BCR: variants seen among roughly 807,000 people sequenced by gnomAD.
BCR encodes BCR activator of RhoGEF and GTPase.
BCR carries 58 observed loss-of-function variants against 138.6 expected under a neutral mutation model. The ratio of observed to expected loss-of-function variants is 0.42; its 90% CI spans 0.34 to 0.52. The LOEUF (loss-of-function observed/expected upper bound fraction) is 0.52. Ranked by LOEUF, BCR falls within the 20% of genes least tolerant of loss-of-function variation. The pLI is 0.06. For missense variants in BCR, 1,599 were observed against 1,727.2 expected, an observed-to-expected ratio of 0.93 and a Z score of 1.32; for synonymous variants, 786 against 730.1, an observed-to-expected ratio of 1.08 and a Z score of -1.23.
At chr22:23,217,879 G>A (rs774634529) in intron 1 of BCR, among the ~76,000 whole-genome samples, 2 of 152,188 alleles carry the variant, frequency 1.3e-5, no homozygotes, top group Non-Finnish European at 2.9e-5. Flanking sequence ...AGCTGTGGCC[G>A]CCTGCTCGGA....
chr22:23,273,854 G>A, intron 8 of BCR, 80 bp downstream of exon 8: 1 of 1,579,440 alleles, frequency 6.3e-7, no homozygotes, highest in Non-Finnish European at 8.7e-7. Context: ...CTGAGGTCTG[G>A]AGCCCTTCCT....
chr22:23,230,844 C>G (rs1005840571), intron 1 of BCR, among the ~76,000 whole-genome samples: 1 of 152,192 alleles, frequency 6.6e-6, no homozygotes, highest in African/African-American at 2.4e-5. Context: ...AGCCGCACAT[C>G]CAGCTGTCAT....
At chr22:23,311,540 G>A (rs1355349105) in intron 18 of BCR, among the ~76,000 whole-genome samples, 157 bp from the exon 19 acceptor site, 3 of 152,156 alleles carry the variant, frequency 2.0e-5, no homozygotes, top group Admixed American at 6.5e-5. Context: ...TGCAGAGGGA[G>A]GACAGGCATG....
chr22:23,208,713 G>C (rs941193551), intron 1 of BCR, among the ~76,000 whole-genome samples: 3 of 152,158 alleles, frequency 2.0e-5, no homozygotes, highest in Non-Finnish European at 4.4e-5. Context: ...TAATTAGCCA[G>C]GCATGGTAGC....
At chr22:23,278,272 G>A (rs545242938) in intron 8 of BCR, among the ~76,000 whole-genome samples, 20 of 152,312 alleles carry the variant, frequency 1.3e-4, no homozygotes, top group African/African-American at 4.6e-4. Context: ...CTCTGCCTGG[G>A]ATTGCAGAGG....
chr22:23,217,418 T>C (rs1478795077), intron 1 of BCR, among the ~76,000 whole-genome samples: 1 of 152,212 alleles, frequency 6.6e-6, no homozygotes, highest in Non-Finnish European at 1.5e-5. Flanking sequence ...GCTCTGGTGC[T>C]CTCTCTTCGC....
chr22:23,296,324 A>G (rs1377974024), intron 16 of BCR, among the ~76,000 whole-genome samples: 2 of 150,098 alleles, frequency 1.3e-5, no homozygotes, highest in Non-Finnish European at 3.0e-5. Flanking sequence ...CAATGAGTCA[A>G]GATCACACCG....
chr22:23,196,509 T>A (rs1396001092), intron 1 of BCR, among the ~76,000 whole-genome samples: 1 of 152,166 alleles, frequency 6.6e-6, no homozygotes, highest in Non-Finnish European at 1.5e-5. Context: ...AAGCATTCAG[T>A]ATAGTCGTCT....
chr22:23,253,745 G>A, intron 1 of BCR, 54 bp from the exon 2 acceptor site: 2 of 1,563,314 alleles, frequency 1.3e-6, no homozygotes, highest in Non-Finnish European at 1.7e-6. Context: ...GATGGGTTGA[G>A]TATGGATGCT....
At chr22:23,271,679 T>C in intron 6 of BCR, 87 bp downstream of exon 6, 1 of 1,346,330 alleles carries the variant, frequency 7.4e-7, no homozygotes, top group Admixed American at 1.7e-5. Context: ...GCAGACACAG[T>C]GCCCACTTGG....
In BCR at chr22:23,261,543, G is replaced by C. The variant is rs1281969948; in HGVS notation, c.1752+3G>C. The stretch of plus-strand genomic sequence containing the variant: ...TGGGCGACCTCTTCCAGAAGCTGGT[G>C]AGTAACCCAGGGCCGGTGCTGGGAC... On this transcript the variant is annotated splice_donor_region_variant and intron_variant, in intron 4 of 22. Transcript: ENST00000305877. 6.2e-7 allele frequency: 1 copy of C among 1,610,946 alleles called. No individual in the cohort carries two copies. Among genetic ancestry groups the C allele is most frequent in the East Asian group, 2.2e-5 (1 of 44,888 alleles).
rs3827317 is a variant in BCR, at chr22:23,292,033, C to T, written c.2783-508C>T. On this transcript the variant is annotated intron_variant, in intron 14 of 22. Coordinates refer to ENST00000305877, the MANE Select transcript of BCR (RefSeq NM_004327.4). ...CAGGCCTCGCCTCCCTCCCTTCCCC[C>T]TGCACCCCACGACTTCTCCAGCACT... Among the ~76,000 whole-genome samples the T allele has an allele frequency of 3.3e-5, 5 of 152,242 alleles. No individual in the cohort carries two copies. The East Asian group carries it at 9.6e-4, about 29-fold the overall frequency.
At chr22:23,195,837 G>A (rs1281154243) in intron 1 of BCR, among the ~76,000 whole-genome samples, 5 of 151,954 alleles carry the variant, frequency 3.3e-5, no homozygotes, top group African/African-American at 4.8e-5. Flanking sequence ...GCAGTGAACC[G>A]AGATCGTGCC....
At chr22:23,201,825 C>T (rs2072556956) in intron 1 of BCR, among the ~76,000 whole-genome samples, 1 of 152,156 alleles carries the variant, frequency 6.6e-6, no homozygotes. Context: ...CCTTCGGTTT[C>T]TGGGAGTCCG....
chr22:23,184,990 C>T (rs2072321435), intron 1 of BCR, among the ~76,000 whole-genome samples: 1 of 152,132 alleles, frequency 6.6e-6, no homozygotes, highest in Non-Finnish European at 1.5e-5. Flanking sequence ...CTAATAACCT[C>T]GGAATCAGTC....
At chr22:23,199,191 C>G (rs759560079) in intron 1 of BCR, 1 of 458,248 alleles carries the variant, frequency 2.2e-6, no homozygotes, top group Non-Finnish European at 4.3e-6. Context: ...CTGGTTTCCT[C>G]TCTCATGGCA....
At chr22:23,290,699 C>T in intron 14 of BCR, 1 of 435,642 alleles carries the variant, frequency 2.3e-6, no homozygotes, top group South Asian at 2.3e-5. Flanking sequence ...TTGGCAAGGA[C>T]TTTGACAGAC....
At chr22:23,298,573 C>T (rs2073870751) in intron 16 of BCR, among the ~76,000 whole-genome samples, 1 of 151,040 alleles carries the variant, frequency 6.6e-6, no homozygotes, top group Non-Finnish European at 1.5e-5. Context: ...TTCTTTCTTC[C>T]TTTCCTTTTT....
At chr22:23,236,168 G>T (rs1159843634) in intron 1 of BCR, among the ~76,000 whole-genome samples, 1 of 152,174 alleles carries the variant, frequency 6.6e-6, no homozygotes, top group Non-Finnish European at 1.5e-5. Context: ...CAGCCAGCCA[G>T]GTGGCCTCCA....
Sources: gnomAD v4.1 joint callset for allele counts (sites outside exome capture counted in the v4.1 genomes callset) on GRCh38, gnomAD v4.1.1 for gene constraint, MANE v1.5 for transcripts, NCBI Gene and HGNC (gene_info 2026-07-23, HGNC 2026-07-21) for gene names.